MEGF11: variants seen among roughly 807,000 people sequenced by gnomAD.
MEGF11 encodes the protein multiple EGF like domains 11.
MEGF11 carries 126 observed loss-of-function variants against 146.6 expected under a neutral mutation model. That is an observed-to-expected ratio of 0.86 (90% CI 0.74 to 1.00). The LOEUF is 1.00. Among genes scored for constraint, MEGF11 ranks in the 50% least tolerant of loss-of-function variants. MEGF11 has a pLI of 0.00. For missense variants in MEGF11, 1,509 were observed against 1,521.2 expected, an observed-to-expected ratio of 0.99 and a Z score of 0.13; for synonymous variants, 532 against 583.4, an observed-to-expected ratio of 0.91 and a Z score of 1.27.
At chr15:65,937,059 T>G (rs929572205) in intron 10 of MEGF11, among the ~76,000 whole-genome samples, 2 of 152,156 alleles carry the variant, frequency 1.3e-5, no homozygotes, top group Admixed American at 6.5e-5. Flanking sequence ...GACAAGACCT[T>G]CTGAGCTGAA....
At chr15:66,082,593 C>T (rs1365035470) in intron 5 of MEGF11, among the ~76,000 whole-genome samples, 1 of 135,888 alleles carries the variant, frequency 7.4e-6, no homozygotes, top group Non-Finnish European at 1.5e-5. Context: ...TTGCTTGAAC[C>T]CAGGAGGCAG....
At chr15:66,177,843 C>T (rs1424949366) in intron 1 of MEGF11, among the ~76,000 whole-genome samples, 2 of 152,008 alleles carry the variant, frequency 1.3e-5, no homozygotes, top group African/African-American at 4.8e-5. Context: ...TGACACCAGG[C>T]CCAGATAATT....
At chr15:66,159,184 T>A (rs1388372609) in intron 1 of MEGF11, among the ~76,000 whole-genome samples, 1 of 152,158 alleles carries the variant, frequency 6.6e-6, no homozygotes, top group Non-Finnish European at 1.5e-5. Context: ...ACTTTCTAGA[T>A]GAGAAAACTG....
At position 65,918,003 on chromosome 15, in the gene MEGF11, CT is replaced by C; in HGVS notation, c.2048del (p.Gln683ArgfsTer117). 6.2e-7 allele frequency: 1 copy of C among 1,614,050 alleles called. No individual in the cohort carries two copies. Among genetic ancestry groups the C allele is most frequent in the Non-Finnish European group, 8.5e-7 (1 of 1,179,892 alleles). On this transcript the variant is annotated frameshift_variant, in exon 16 of 26. Transcript: ENST00000395614. LOFTEE classifies it high-confidence loss of function. ...CCTTGCCAATCCATCCAGGAAAGCA[CT>C]GGCAGGAGCCATCGATAGGGCTGCA... ...GTCSPIDGSC[Q>X]CFPGWIGKDC...
chr15:66,058,557 G>C (rs1372035789), intron 5 of MEGF11, among the ~76,000 whole-genome samples: 1 of 152,132 alleles, frequency 6.6e-6, no homozygotes, highest in East Asian at 1.9e-4. Flanking sequence ...CAGATCTGGG[G>C]AACAGGTTTC....
At chr15:65,919,518 G>C (rs971738786) in intron 15 of MEGF11, among the ~76,000 whole-genome samples, 19 of 152,002 alleles carry the variant, frequency 1.2e-4, no homozygotes, top group Admixed American at 7.9e-4. Context: ...TACATGTCTT[G>C]ATTAAAAAAC....
At chr15:66,018,673 C>CTGTGTG in intron 5 of MEGF11, among the ~76,000 whole-genome samples, 1 of 60,960 alleles carries the variant, frequency 1.6e-5, no homozygotes, top group African/African-American at 4.3e-5. Context: ...GTGAGGGTGT[C>CTGTGTG]TGCGTGTGCA....
At chr15:65,966,901 C>T (rs1355563369) in intron 8 of MEGF11, among the ~76,000 whole-genome samples, 1 of 151,748 alleles carries the variant, frequency 6.6e-6, no homozygotes, top group Non-Finnish European at 1.5e-5. Context: ...GACTTATTGT[C>T]ACAGCAACTA....
intron 5 of MEGF11, among the ~76,000 whole-genome samples, chr15:65,987,308 T>C (rs1567191150): frequency 6.6e-6 from 1 of 152,214 alleles, no homozygotes; most frequent in Non-Finnish European, 1.5e-5. Flanking sequence ...AGCCTGGGCT[T>C]AAACAGCCAC....
chr15:65,930,890 C>A lies in MEGF11; in HGVS notation c.1341G>T (p.Ser447=). The A allele has an allele frequency of 6.2e-7, 1 of 1,611,328 alleles. No individual in the cohort carries two copies. Among genetic ancestry groups the A allele is most frequent in the Non-Finnish European group, 8.5e-7 (1 of 1,178,552 alleles). The part of the protein sequence containing the change: ...CAAGTYGPNC[S]SICSCNNGGT... ...CACCATTGTTACAGCTACAGATGGA[C>A]GAGCAGTTGGGGCCATAGGTCCCTG... Residue 447 remains serine (S), a synonymous_variant, in exon 11 of 26, where the codon TCG becomes TCT. Coordinates refer to ENST00000395614, the MANE Select transcript of MEGF11 (RefSeq NM_001385028.1).
At chr15:66,103,220 C>T (rs1337672120) in intron 4 of MEGF11, among the ~76,000 whole-genome samples, 1 of 152,234 alleles carries the variant, frequency 6.6e-6, no homozygotes, top group South Asian at 2.1e-4. Context: ...CCCTCCTCAA[C>T]CTCCAGAGAT....
At position 66,199,015 on chromosome 15, in the gene MEGF11, C is replaced by T. The variant is rs537007142; in HGVS notation, c.-9+54590G>A. 3.3e-5 allele frequency among the ~76,000 whole-genome samples: 5 copies of T among 152,166 alleles called. No homozygotes were observed. The South Asian group carries it at 8.3e-4, about 25-fold the overall frequency. On this transcript the variant is annotated intron_variant, in intron 1 of 25. Transcript: ENST00000395614. The stretch of plus-strand genomic sequence containing the variant: ...ATTCACCCAGAGGCCCTTTCTCTCC[C>T]TCTGGAGGTCCTCCTAATTGCACTG...
rs765933312 is a variant in MEGF11 at position 65,913,918 on chromosome 15, A to G, written c.2529T>C (p.Gly843=). ...NPYTKISPAL[G]AERHSVGAVT... is the part of the protein sequence containing the mutation. ...CAGCACCCACCGAGTGCCGCTCTGC[A>G]CCCAGTGCTGGGCTGATCTTGGTGT... The change falls in exon 20 of 26, where the codon GGT becomes GGC. Residue 843 remains glycine, a synonymous_variant. Coordinates refer to ENST00000395614, the MANE Select transcript of MEGF11 (RefSeq NM_001385028.1). 1.2e-6 allele frequency: 2 copies of G among 1,613,968 alleles called. No individual in the cohort carries two copies. Among genetic ancestry groups the G allele is most frequent in the Non-Finnish European group, 1.7e-6 (2 of 1,179,886 alleles).
At chr15:66,072,529 C>A (rs1451354939) in intron 5 of MEGF11, among the ~76,000 whole-genome samples, 1 of 152,230 alleles carries the variant, frequency 6.6e-6, no homozygotes, top group Non-Finnish European at 1.5e-5. Flanking sequence ...GTCCTGTTTA[C>A]TGCTGAATCC....
intron 1 of MEGF11, among the ~76,000 whole-genome samples, chr15:66,221,622 T>TTTTTTTTTTTTTTTTTGAGAC (rs1247289020): frequency 6.6e-6 from 1 of 151,630 alleles, no homozygotes; most frequent in African/African-American, 2.4e-5. Flanking sequence ...TCTCTTTATT[T>TTTTTTTTTTTTTTTTTGAGAC]GAGTATATGT....
At chr15:66,166,192 C>T (rs1175528306) in intron 1 of MEGF11, among the ~76,000 whole-genome samples, 1 of 152,134 alleles carries the variant, frequency 6.6e-6, no homozygotes. Flanking sequence ...GAACTCTGTG[C>T]CCCCTTGCTC....
intron 1 of MEGF11, among the ~76,000 whole-genome samples, chr15:66,235,196 T>G (rs1264194989): frequency 6.6e-6 from 1 of 152,148 alleles, no homozygotes; most frequent in Non-Finnish European, 1.5e-5. Context: ...GGGAGCCGAT[T>G]AAAGCAATTC....
chr15:66,115,808 A>G (rs1422220880), intron 4 of MEGF11, among the ~76,000 whole-genome samples: 4 of 152,190 alleles, frequency 2.6e-5, no homozygotes, highest in Non-Finnish European at 5.9e-5. Context: ...ACACCATGTG[A>G]CGATCAGAGT....
chr15:65,929,986 C>G, intron 11 of MEGF11, 103 bp from the exon 12 acceptor site: 1 of 1,146,104 alleles, frequency 8.7e-7, no homozygotes, highest in Non-Finnish European at 1.2e-6. Flanking sequence ...CAAACCACTG[C>G]TTTCCTGAGG....
Sources: allele counts gnomAD v4.1 joint callset (sites outside exome capture counted in the v4.1 genomes callset), GRCh38; gene constraint gnomAD v4.1.1; transcripts MANE v1.5; gene names NCBI Gene and HGNC (gene_info 2026-07-23, HGNC 2026-07-21).